Variants in MGA observed in about 807,000 individuals in gnomAD.
MGA encodes the protein MAX dimerization protein MGA.
MGA carries 40 observed loss-of-function variants against 261.1 expected under a neutral mutation model. The observed-to-expected ratio is 0.15, with a 90% CI of 0.12 to 0.20. The LOEUF is 0.20. MGA is among the 10% of genes least tolerant of loss of function. The pLI, the probability that MGA is intolerant of heterozygous loss-of-function variation, is 1.00. For missense variants in MGA, 3,397 were observed against 3,630.5 expected, an observed-to-expected ratio of 0.94 and a Z score of 1.65; for synonymous variants, 1,302 against 1,290.6, an observed-to-expected ratio of 1.01 and a Z score of -0.19.
rs1373731681 is a variant in MGA, at chr15:41,736,551, C to T, written c.4287C>T (p.Ile1429=). ...TGTCCCCTGGGAAAATGGAGGATAT[C>T]TCTCCTGTGCAGACAGATGCCCTGG... Residue 1429 remains isoleucine (I), a synonymous_variant, in exon 13 of 24, where the codon ATC becomes ATT. Transcript: ENST00000219905. 2.5e-6 allele frequency: 4 copies of T among 1,613,898 alleles called. No homozygotes were observed. Among genetic ancestry groups the T allele is most frequent in the Non-Finnish European group, 3.4e-6 (4 of 1,179,906 alleles).
intron 1 of MGA, among the ~76,000 whole-genome samples, chr15:41,664,528 G>T (rs373511532): frequency 6.6e-6 from 1 of 152,088 alleles, no homozygotes; most frequent in South Asian, 2.1e-4. Context: ...TAATTTATAG[G>T]TTTGGGATAA....
chr15:41,764,508 T>C (rs1037756181), intron 22 of MGA, among the ~76,000 whole-genome samples: 2 of 152,090 alleles, frequency 1.3e-5, no homozygotes, highest in Non-Finnish European at 2.9e-5. Context: ...CTGCCTCGGC[T>C]TCCCAAAGTG....
chr15:41,748,670 A>G lies in MGA; in HGVS notation c.5246A>G (p.Gln1749Arg). The G allele has an allele frequency of 6.2e-7, 1 of 1,613,762 alleles. No individual in the cohort carries two copies. Among genetic ancestry groups the G allele is most frequent in the Non-Finnish European group, 8.5e-7 (1 of 1,179,792 alleles). Reference sequence around the variant, plus strand: ...GCTCAAATTCCAGTGGCTACTCCACAGGTCTCTCCTAACACAGTGAAACGT... The same window carrying G: ...GCTCAAATTCCAGTGGCTACTCCACGGGTCTCTCCTAACACAGTGAAACGT... Residue 1749 changes from glutamine (Q) to arginine (R), a missense_variant, in exon 16 of 24, where the codon CAG becomes CGG. This residue lies in a region of MGA where 1,410 missense variants were observed against 1,386.4 expected (regional missense o/e 1.02). Transcript: ENST00000219905.
chr15:41,627,636 C>T (rs776870446), intron 1 of MGA, among the ~76,000 whole-genome samples: 5 of 152,158 alleles, frequency 3.3e-5, no homozygotes, highest in Non-Finnish European at 7.3e-5. Context: ...TGATATTCTA[C>T]ACATGTCTAC....
intron 14 of MGA, among the ~76,000 whole-genome samples, chr15:41,741,899 A>G (rs959394463): frequency 6.6e-6 from 1 of 151,280 alleles, no homozygotes; most frequent in African/African-American, 2.4e-5. Context: ...TTTAGTAGAG[A>G]CGGGGTTTCA....
chr15:41,630,385 C>A (rs1056989229), intron 1 of MGA, among the ~76,000 whole-genome samples: 1 of 152,276 alleles, frequency 6.6e-6, no homozygotes, highest in South Asian at 2.1e-4. Flanking sequence ...TAAAAAAATT[C>A]ATTTGTTTTC....
At chr15:41,717,690 A>G (rs1212846767) in intron 9 of MGA, among the ~76,000 whole-genome samples, 1 of 152,196 alleles carries the variant, frequency 6.6e-6, no homozygotes, top group African/African-American at 2.4e-5. Flanking sequence ...ATAAAACATT[A>G]AAGACTAAAT....
At chr15:41,650,730 A>C (rs1202563390) in intron 1 of MGA, among the ~76,000 whole-genome samples, 1 of 152,136 alleles carries the variant, frequency 6.6e-6, no homozygotes, top group Non-Finnish European at 1.5e-5. Flanking sequence ...GAGACACTGT[A>C]CCTGGCCCTA....
Position 41,762,355 on chromosome 15 carries a change from G to T in MGA, c.7737G>T (p.Gln2579His), listed in dbSNP as rs758420841. The T allele has an allele frequency of 3.1e-6, 5 of 1,612,344 alleles. No homozygotes were observed. The African/African-American group carries it at 6.7e-5, about 22-fold the overall frequency. ...TGATTCTTTCCAGAAAAAAAGACCA[G>T]GCCACAGGTAGGAGGGACATTCTTC... The change falls in exon 22 of 24, where the codon CAG (glutamine) becomes CAT (histidine). Residue 2579 changes from glutamine to histidine, a missense_variant. By Grantham distance (24) the Gln-to-His change is conservative. Transcript: ENST00000219905.
chr15:41,633,896 C>T (rs982062404), intron 1 of MGA, among the ~76,000 whole-genome samples: 1 of 152,100 alleles, frequency 6.6e-6, no homozygotes, highest in Non-Finnish European at 1.5e-5. Flanking sequence ...GTGAGCTGCT[C>T]CCCTCTTACT....
rs150258529 is a variant in MGA, at chr15:41,702,995, T to C, written c.2188+3836T>C. On this transcript the variant is annotated intron_variant, in intron 5 of 23. Transcript: ENST00000219905. Reference sequence around the variant, plus strand: ...ATCCAGAATTTCTCCTATTAATATCTAACATAAGATTGGTACATTTGTTAC... The same window carrying C: ...ATCCAGAATTTCTCCTATTAATATCCAACATAAGATTGGTACATTTGTTAC... Among the ~76,000 whole-genome samples the C allele has an allele frequency of 2.4e-3, 367 of 152,302 alleles. 8 individuals carry two copies. Among genetic ancestry groups the C allele is most frequent in the East Asian group, 0.021 (108 of 5,186 alleles).
rs368687914 is a variant in MGA, at chr15:41,761,820, A to G, written c.7480A>G (p.Ile2494Val). Residue 2494 changes from isoleucine (I) to valine (V), a missense_variant, in exon 21 of 24, where the codon ATT (isoleucine) becomes GTT (valine). By Grantham distance (29) the Ile-to-Val change is conservative. Transcript: ENST00000219905. ...AAATCTCCTGACTCGAAAACGGAAT[A>G]TTCTGATACGGAAAGTATCGTCTCT... 109 of 1,590,628 alleles carry G rather than the reference A, an allele frequency of 6.9e-5. No homozygotes were observed. The African/African-American group carries it at 1.4e-3, about 21-fold the overall frequency.
chr15:41,684,414 T>G (rs2058837864), intron 2 of MGA: 1 of 453,556 alleles, frequency 2.2e-6, no homozygotes, highest in Admixed American at 2.4e-5. Context: ...GCCTAATTTA[T>G]TTGGATAGAA....
At chr15:41,753,657 C>G (rs1403116994) in intron 17 of MGA, among the ~76,000 whole-genome samples, 1 of 152,110 alleles carries the variant, frequency 6.6e-6, no homozygotes, top group Non-Finnish European at 1.5e-5. Context: ...TATCCTATTT[C>G]TATACCTGCC....
chr15:41,767,524 A>G lies in MGA; in HGVS notation c.*244A>G. The G allele has an allele frequency of 1.9e-6, 1 of 527,352 alleles. No homozygotes were observed. The highest frequency in any genetic ancestry group is 3.1e-5 in the East Asian group (1 of 32,720). The allele number at this position is 527,352 out of a possible 1,614,324, so 32.7% of individuals were successfully genotyped here. A position where few individuals can be genotyped will look rare whatever the true frequency, so the allele number is the denominator to read the frequency against. ...GGGTCCCCTCATCCTCTCTAAGAAG[A>G]TGTGATCCATTACTGAACATGAGGT... On this transcript the variant is annotated 3_prime_UTR_variant, in exon 24 of 24. Transcript: ENST00000219905.
intron 9 of MGA, among the ~76,000 whole-genome samples, chr15:41,714,108 C>A (rs186761255): frequency 1.4e-4 from 22 of 151,946 alleles, no homozygotes; most frequent in African/African-American, 5.3e-4. Flanking sequence ...ATGATTTTAC[C>A]GTATAATTGA....
chr15:41,728,828 T>TG (rs1297457196), intron 10 of MGA, among the ~76,000 whole-genome samples: 4 of 152,228 alleles, frequency 2.6e-5, no homozygotes, highest in African/African-American at 9.6e-5. Context: ...TTAAAAACCT[T>TG]GCATTTTATA....
chr15:41,740,256 C>T, intron 14 of MGA, 53 bp downstream of exon 14: 1 of 1,562,368 alleles, frequency 6.4e-7, no homozygotes, highest in Non-Finnish European at 8.8e-7. Context: ...GGTGGTGGGA[C>T]AGTGGGTACA....
In MGA at chr15:41,696,651, A is replaced by G. The variant is rs2059561712; in HGVS notation, c.1641A>G (p.Lys547=). The change falls in exon 3 of 24, where the codon AAA becomes AAG. Residue 547 remains lysine, a synonymous_variant. Coordinates refer to ENST00000219905, the MANE Select transcript of MGA (RefSeq NM_001164273.2). ...TGGTACAAAAATATCCCTTACTGAA[A>G]GAGCCTCAGTGGAAATATCCTGATA... is the stretch of plus-strand genomic sequence containing the variant. 2 of 1,613,086 alleles carry G rather than the reference A, an allele frequency of 1.2e-6. No individual in the cohort carries two copies. Among genetic ancestry groups the G allele is most frequent in the African/African-American group, 2.7e-5 (2 of 74,940 alleles).
Sources: gnomAD v4.1 joint callset for allele counts (sites outside exome capture counted in the v4.1 genomes callset) on GRCh38, gnomAD v4.1.1 for gene constraint, gnomAD v4.1.1 regional missense constraint, MANE v1.5 for transcripts, NCBI Gene and HGNC (gene_info 2026-07-23, HGNC 2026-07-21) for gene names.